The following KANK1 variants were observed in gnomAD, a reference collection of about 807,000 sequenced individuals.
KANK1 encodes KN motif and ankyrin repeat domains 1, also known as KN motif and ankyrin repeat domain-containing protein 1.
Under a neutral mutation model 106.2 loss-of-function variants are expected in KANK1, and 109 were observed. The observed-to-expected ratio is 1.03, with a 90% CI of 0.88 to 1.20. KANK1 has a LOEUF of 1.20. KANK1 is among the 50% of genes most tolerant of loss of function. The pLI is 0.00. For synonymous variants in KANK1, 873 were observed against 652.2 expected, an observed-to-expected ratio of 1.34 and a Z score of -5.16; for missense variants, 2,399 against 1,710.7, an observed-to-expected ratio of 1.40 and a Z score of -7.10.
upstream of KANK1, among the ~76,000 whole-genome samples, chr9:499,787 A>T (rs770549625): frequency 1.3e-5 from 2 of 152,196 alleles, no homozygotes; most frequent in African/African-American, 4.8e-5. Context: ...GTTTAATATA[A>T]GTTTTGTGTG....
intron 1 of KANK1, among the ~76,000 whole-genome samples, chr9:537,214 C>T (rs1563732875): frequency 6.6e-6 from 1 of 152,156 alleles, no homozygotes; most frequent in Non-Finnish European, 1.5e-5. Context: ...GATGCTTGCA[C>T]CTCTGCTCTT....
Position 495,860 on chromosome 9 carries a change from T to C in KANK1, c.-362+22587T>C, listed in dbSNP as rs188012675. Among the ~76,000 whole-genome samples, 182 of 152,238 alleles carry C rather than the reference T, an allele frequency of 1.2e-3. 2 individuals are homozygous for C. Among genetic ancestry groups the C allele is most frequent in the African/African-American group, 4.3e-3 (177 of 41,528 alleles). On this transcript the variant is annotated intron_variant, in intron 3 of 15. Transcript: ENST00000382303. ...TGAAACCTGCTGGGTTAGAGAATGG[T>C]GCTATAAGGTTAAGATCAAAAGGTC...
At chr9:596,536 G>T (rs765898595) in intron 1 of KANK1, among the ~76,000 whole-genome samples, 8 of 151,658 alleles carry the variant, frequency 5.3e-5, no homozygotes, top group Non-Finnish European at 7.3e-5. Flanking sequence ...CTGGTTTTGA[G>T]TAGGTTTCCT....
chr9:744,101 C>T (rs768827764), intron 10 of KANK1, among the ~76,000 whole-genome samples: 1 of 152,170 alleles, frequency 6.6e-6, no homozygotes, highest in Non-Finnish European at 1.5e-5. Context: ...GATCACAGTG[C>T]CCTCTCTAAG....
At chr9:641,284 G>T (rs1406435256) in intron 1 of KANK1, among the ~76,000 whole-genome samples, 1 of 152,174 alleles carries the variant, frequency 6.6e-6, no homozygotes, top group Non-Finnish European at 1.5e-5. Context: ...TGTATAATCT[G>T]TCTTTATCAG....
At chr9:517,589 C>T (rs2059342494) in intron 1 of KANK1, among the ~76,000 whole-genome samples, 1 of 151,362 alleles carries the variant, frequency 6.6e-6, no homozygotes. Flanking sequence ...GCCTATAGAG[C>T]TTTTTCACAC....
chr9:514,062 CT>C (rs1168228992), intron 1 of KANK1, among the ~76,000 whole-genome samples: 1 of 151,078 alleles, frequency 6.6e-6, no homozygotes, highest in Non-Finnish European at 1.5e-5. Context: ...CACCTTTTCT[CT>C]TTTCTGTCCT....
At chr9:709,193 G>A (rs1825206217) in intron 2 of KANK1, among the ~76,000 whole-genome samples, 1 of 152,202 alleles carries the variant, frequency 6.6e-6, no homozygotes, top group Non-Finnish European at 1.5e-5. Flanking sequence ...ACAGGGTTTG[G>A]TTTTGTTTTT....
At chr9:506,812 G>T (rs1039491949) in intron 1 of KANK1, among the ~76,000 whole-genome samples, 4 of 152,286 alleles carry the variant, frequency 2.6e-5, no homozygotes, top group African/African-American at 9.6e-5. Flanking sequence ...GGCAGTGCAA[G>T]GAACTGGGAA....
At chr9:541,962 C>G (rs7021231) in intron 1 of KANK1, among the ~76,000 whole-genome samples, 70,185 of 145,420 alleles carry the variant, frequency 0.48, 20,810 homozygotes, top group East Asian at 0.79. Flanking sequence ...GGTAGCGGGC[C>G]CCTGTAGTCC....
Position 699,231 on chromosome 9 carries a change from G to A in KANK1, c.38-11573G>A, listed in dbSNP as rs556578688. On this transcript the variant is annotated intron_variant, in intron 2 of 11. Coordinates refer to ENST00000382297, the MANE Select transcript of KANK1 (RefSeq NM_015158.5). Reference sequence around the variant, plus strand: ...TGCTTTCACAACACTTAATACAGTTGTTATTTATGTGATCACTTGTCTGTC... The same window carrying A: ...TGCTTTCACAACACTTAATACAGTTATTATTTATGTGATCACTTGTCTGTC... Among the ~76,000 whole-genome samples, 10 of 152,286 alleles carry A rather than the reference G, an allele frequency of 6.6e-5. No individual in the cohort carries two copies. The East Asian group carries it at 1.9e-3, about 29-fold the overall frequency.
intron 1 of KANK1, among the ~76,000 whole-genome samples, chr9:653,845 T>A (rs182865071): frequency 6.6e-6 from 1 of 152,360 alleles, no homozygotes; most frequent in East Asian, 1.9e-4. Context: ...GTTGTCTTTG[T>A]GTTTACAGTT....
At chr9:480,129 T>G (rs2058178833) in intron 3 of KANK1, among the ~76,000 whole-genome samples, 1 of 152,222 alleles carries the variant, frequency 6.6e-6, no homozygotes, top group Non-Finnish European at 1.5e-5. Flanking sequence ...TTCCTGTGCA[T>G]TCAGGCACAA....
intron 1 of KANK1, among the ~76,000 whole-genome samples, chr9:633,946 G>A (rs750824108): frequency 6.6e-6 from 1 of 152,194 alleles, no homozygotes; most frequent in Non-Finnish European, 1.5e-5. Flanking sequence ...CCACTGCACT[G>A]AGCCATAAAT....
intron 1 of KANK1, among the ~76,000 whole-genome samples, chr9:537,112 A>G (rs1459891703): frequency 6.6e-6 from 1 of 152,192 alleles, no homozygotes; most frequent in African/African-American, 2.4e-5. Flanking sequence ...CTAAAACAAC[A>G]GGAACCCTTT....
chr9:705,481 T>G (rs548587821), intron 2 of KANK1, among the ~76,000 whole-genome samples: 1 of 152,170 alleles, frequency 6.6e-6, no homozygotes, highest in Non-Finnish European at 1.5e-5. Context: ...TTATACTATA[T>G]ATTCAGTTAT....
chr9:628,234 G>A (rs1185587016), intron 1 of KANK1, among the ~76,000 whole-genome samples: 1 of 152,116 alleles, frequency 6.6e-6, no homozygotes, highest in Non-Finnish European at 1.5e-5. Context: ...CCTGCTCCTG[G>A]CTGCAGAGTC....
chr9:553,160 A>G (rs566637319), intron 1 of KANK1, among the ~76,000 whole-genome samples: 15 of 152,274 alleles, frequency 9.9e-5, no homozygotes, highest in South Asian at 4.1e-4. Flanking sequence ...AAAGAATGCA[A>G]TTGTAATTTT....
At chr9:509,566 G>A (rs1405380739) in intron 1 of KANK1, among the ~76,000 whole-genome samples, 1 of 152,044 alleles carries the variant, frequency 6.6e-6, no homozygotes. Context: ...TTTAATCCCT[G>A]CATATGCCTA....
Sources: allele counts gnomAD v4.1 joint callset (sites outside exome capture counted in the v4.1 genomes callset), GRCh38; gene constraint gnomAD v4.1.1; transcripts MANE v1.5; gene names NCBI Gene and HGNC (gene_info 2026-07-23, HGNC 2026-07-21).